The following GPC5 variants were observed in gnomAD, a reference collection of about 807,000 sequenced individuals.
The protein encoded by GPC5 is glypican 5, also known as glypican-5.
In GPC5, 47 loss-of-function variants were observed where a neutral mutation model predicts 53.9. The observed-to-expected ratio is 0.87, with a 90% CI of 0.69 to 1.11. The LOEUF is 1.11. Among genes scored for constraint, GPC5 ranks in the 50% most tolerant of loss-of-function variants. The probability of loss-of-function intolerance (pLI) is 0.00; values close to 1 mark genes in which losing one functional copy is unlikely to be tolerated. For synonymous variants in GPC5, 286 were observed against 263.3 expected (o/e 1.09, Z -0.84); for missense variants, 748 against 713.1 (o/e 1.05, Z -0.56).
At chr13:92,519,778 C>T (rs529589984) in intron 7 of GPC5, among the ~76,000 whole-genome samples, 1 of 152,056 alleles carries the variant, frequency 6.6e-6, no homozygotes, top group Non-Finnish European at 1.5e-5. Flanking sequence ...TAACTAAGAT[C>T]AGAGAAGAAC....
intron 7 of GPC5, among the ~76,000 whole-genome samples, chr13:92,543,379 G>A (rs573054539): frequency 4.1e-4 from 63 of 151,864 alleles, no homozygotes; most frequent in African/African-American, 1.5e-3. Flanking sequence ...AATTGTCTCT[G>A]TATTCTCTTG....
intron 6 of GPC5, among the ~76,000 whole-genome samples, chr13:91,973,112 T>C (rs112617669): frequency 0.023 from 3,577 of 152,228 alleles, 138 homozygotes; most frequent in African/African-American, 0.082. Context: ...ACCAATCAGA[T>C]GTAGATTTGG....
chr13:92,044,573 C>T (rs1402426552), intron 6 of GPC5, among the ~76,000 whole-genome samples: 1 of 152,242 alleles, frequency 6.6e-6, no homozygotes, highest in Non-Finnish European at 1.5e-5. Flanking sequence ...ACTACGATAT[C>T]TGATTGGCAA....
chr13:91,446,331 T>A (rs931325931), intron 1 of GPC5, among the ~76,000 whole-genome samples: 1 of 152,166 alleles, frequency 6.6e-6, no homozygotes, highest in South Asian at 2.1e-4. Context: ...TTCAGAAACA[T>A]CCCCACAATT....
chr13:91,569,616 A>G (rs934123259), intron 2 of GPC5, among the ~76,000 whole-genome samples: 1 of 152,206 alleles, frequency 6.6e-6, no homozygotes, highest in Non-Finnish European at 1.5e-5. Context: ...AATAATTGCT[A>G]TAATTTGAAT....
intron 7 of GPC5, among the ~76,000 whole-genome samples, chr13:92,361,855 G>T (rs964699665): frequency 4.6e-5 from 7 of 151,594 alleles, no homozygotes; most frequent in Non-Finnish European, 8.8e-5. Context: ...TCAGTGTTCT[G>T]CTTGGTGTTT....
rs138296688 is a variant in GPC5 at position 91,567,698 on chromosome 13, G to T, written c.325+118776G>T. ...AGACTTTAGTTGTTTGTCGAAGTCT[G>T]TTGGAACATTCTGTGGTTTGACCTT... On this transcript the variant is annotated intron_variant, in intron 2 of 7. Transcript: ENST00000377067. Among the ~76,000 whole-genome samples the T allele has an allele frequency of 6.2e-3, 940 of 152,322 alleles. 8 individuals are homozygous for T. The highest frequency in any genetic ancestry group is 0.022 in the African/African-American group (905 of 41,578).
In GPC5 at chr13:92,749,875, C is replaced by CA. The variant is rs1423133769; in HGVS notation, c.1562-116401dup. Among the ~76,000 whole-genome samples the CA allele has an allele frequency of 2.6e-5, 4 of 152,110 alleles. No individual in the cohort carries two copies. In the East Asian group the frequency reaches 5.8e-4, roughly 22 times the overall value. On this transcript the variant is annotated intron_variant, in intron 7 of 7. Coordinates refer to ENST00000377067, the MANE Select transcript of GPC5 (RefSeq NM_004466.6). ...CATGAATGAACAAAATAGGGAGTTG[C>CA]AAAAAATTAGAGGGCAAACTTCTCT...
chr13:92,085,620 A>G (rs1302783690), intron 6 of GPC5, among the ~76,000 whole-genome samples: 1 of 152,174 alleles, frequency 6.6e-6, no homozygotes, highest in Non-Finnish European at 1.5e-5. Flanking sequence ...ATTACTTTGT[A>G]ACATATAATG....
At chr13:92,049,497 T>G (rs2041010032) in intron 6 of GPC5, among the ~76,000 whole-genome samples, 1 of 152,092 alleles carries the variant, frequency 6.6e-6, no homozygotes, top group African/African-American at 2.4e-5. Flanking sequence ...AAGCAGAAAT[T>G]ATAGATGTTT....
At chr13:91,545,790 AATG>A (rs2030250014) in intron 2 of GPC5, among the ~76,000 whole-genome samples, 2 of 152,150 alleles carry the variant, frequency 1.3e-5, no homozygotes, top group Non-Finnish European at 2.9e-5. Context: ...AGTAGAATTG[AATG>A]ATATTTGTCT....
intron 2 of GPC5, among the ~76,000 whole-genome samples, chr13:91,553,173 G>T (rs1327144216): frequency 1.4e-5 from 2 of 139,044 alleles, no homozygotes; most frequent in Non-Finnish European, 3.1e-5. Context: ...CTGGGTAAAT[G>T]AGTTTGAAGT....
chr13:92,049,618 T>C (rs1414866347), intron 6 of GPC5, among the ~76,000 whole-genome samples: 1 of 152,122 alleles, frequency 6.6e-6, no homozygotes, highest in Non-Finnish European at 1.5e-5. Context: ...GTGGGAAAGA[T>C]ACTCTAAAAT....
chr13:91,769,852 A>G (rs1251010046), intron 5 of GPC5, among the ~76,000 whole-genome samples: 1 of 152,182 alleles, frequency 6.6e-6, no homozygotes, highest in Non-Finnish European at 1.5e-5. Context: ...TCCCACACCA[A>G]GCAACTGTCC....
In GPC5 at chr13:92,263,778, C is replaced by T. The variant is rs773814871; in HGVS notation, c.1561+118789C>T. On this transcript the variant is annotated intron_variant, in intron 7 of 7. Coordinates refer to ENST00000377067, the MANE Select transcript of GPC5 (RefSeq NM_004466.6). ...ATCTGAAAATGTTTTCTTGTATTATCGGCCATATCACCGATAAAAATCTTT... is the reference window on the plus strand; with the variant it reads ...ATCTGAAAATGTTTTCTTGTATTATTGGCCATATCACCGATAAAAATCTTT... Among the ~76,000 whole-genome samples the T allele has an allele frequency of 3.9e-5, 6 of 152,060 alleles. No individual in the cohort carries two copies. In the East Asian group the frequency reaches 9.6e-4, roughly 24 times the overall value.
At chr13:92,577,903 C>T (rs1164719163) in intron 7 of GPC5, among the ~76,000 whole-genome samples, 1 of 152,072 alleles carries the variant, frequency 6.6e-6, no homozygotes, top group Non-Finnish European at 1.5e-5. Flanking sequence ...TTTATTATGT[C>T]ATTTCTGAGT....
chr13:91,775,189 G>GAA (rs1003409087), intron 5 of GPC5, among the ~76,000 whole-genome samples: 1 of 152,002 alleles, frequency 6.6e-6, no homozygotes, highest in Non-Finnish European at 1.5e-5. Flanking sequence ...CATCATAAGC[G>GAA]AAGTTATATC....
At chr13:91,756,619 T>C (rs904730499) in intron 5 of GPC5, among the ~76,000 whole-genome samples, 199 bp downstream of exon 5, 8 of 152,108 alleles carry the variant, frequency 5.3e-5, no homozygotes, top group African/African-American at 1.7e-4. Context: ...TATAATAGCA[T>C]TCTGTGGTAT....
At chr13:92,683,488 T>C (rs1887166537) in intron 7 of GPC5, among the ~76,000 whole-genome samples, 1 of 152,212 alleles carries the variant, frequency 6.6e-6, no homozygotes, top group African/African-American at 2.4e-5. Flanking sequence ...GTTCTAGGAA[T>C]TAATGAAATT....
Sources: allele counts gnomAD v4.1 joint callset (sites outside exome capture counted in the v4.1 genomes callset), GRCh38; gene constraint gnomAD v4.1.1; transcripts MANE v1.5; gene names NCBI Gene and HGNC (gene_info 2026-07-23, HGNC 2026-07-21).